TSHZ2: variants seen among roughly 807,000 people sequenced by gnomAD.
TSHZ2 encodes the protein teashirt homolog 2.
TSHZ2 carries 21 observed loss-of-function variants against 74.4 expected under a neutral mutation model. The observed-to-expected ratio is 0.28, with a 90% confidence interval of 0.20 to 0.41. TSHZ2 has a LOEUF of 0.41. Among genes scored for constraint, TSHZ2 ranks in the 10% least tolerant of loss-of-function variants. The probability of loss-of-function intolerance (pLI) is 1.00; values close to 1 mark genes in which losing one functional copy is unlikely to be tolerated. For synonymous variants in TSHZ2, 540 were observed against 515.3 expected (o/e 1.05, Z -0.65); for missense variants, 1,244 against 1,293.5 (o/e 0.96, Z 0.59).
At chr20:53,108,297 A>G (rs1986436467) in intron 1 of TSHZ2, among the ~76,000 whole-genome samples, 1 of 152,254 alleles carries the variant, frequency 6.6e-6, no homozygotes. Context: ...GAGGGGAGTA[A>G]GACAGAATTA....
chr20:53,230,389 A>C (rs1989794335), intron 1 of TSHZ2, among the ~76,000 whole-genome samples: 1 of 152,094 alleles, frequency 6.6e-6, no homozygotes, highest in Non-Finnish European at 1.5e-5. Context: ...CCTTTCCCTC[A>C]AATAACCATT....
chr20:53,042,086 T>C (rs532919600), intron 1 of TSHZ2, among the ~76,000 whole-genome samples: 2 of 152,356 alleles, frequency 1.3e-5, no homozygotes, highest in East Asian at 3.9e-4. Context: ...CATTCTCTTA[T>C]ATAAATGTGT....
intron 2 of TSHZ2, among the ~76,000 whole-genome samples, chr20:53,426,462 T>A (rs1371626074): frequency 6.6e-6 from 1 of 152,224 alleles, no homozygotes; most frequent in Non-Finnish European, 1.5e-5. Context: ...CCTCTTCTTC[T>A]TTTTTTAAGT....
At chr20:53,450,098 G>C (rs1347113985) in intron 2 of TSHZ2, among the ~76,000 whole-genome samples, 1 of 152,234 alleles carries the variant, frequency 6.6e-6, no homozygotes, top group Admixed American at 6.5e-5. Flanking sequence ...GCTGAATTGT[G>C]ATTCATAGAA....
chr20:53,035,627 T>G (rs1983790004), intron 1 of TSHZ2, among the ~76,000 whole-genome samples: 1 of 152,172 alleles, frequency 6.6e-6, no homozygotes, highest in Non-Finnish European at 1.5e-5. Context: ...TTTATTCAAC[T>G]AGAATTTGCC....
chr20:53,403,397 C>T (rs1395613020), intron 2 of TSHZ2, among the ~76,000 whole-genome samples: 2 of 152,200 alleles, frequency 1.3e-5, no homozygotes, highest in East Asian at 3.8e-4. Flanking sequence ...CCTGAAGTTT[C>T]TCTCTTCTGC....
At chr20:53,354,625 T>C (rs1718482229) in intron 2 of TSHZ2, among the ~76,000 whole-genome samples, 1 of 152,206 alleles carries the variant, frequency 6.6e-6, no homozygotes. Flanking sequence ...TCTTGCCTGA[T>C]TTTTAGTCAC....
intron 1 of TSHZ2, among the ~76,000 whole-genome samples, chr20:53,050,763 C>G (rs1048415374): frequency 2.0e-5 from 3 of 152,182 alleles, no homozygotes; most frequent in African/African-American, 7.2e-5. Context: ...CCACCTCCCT[C>G]TAAATGGTAG....
intron 2 of TSHZ2, among the ~76,000 whole-genome samples, chr20:53,305,756 G>A (rs1978511262): frequency 6.6e-6 from 1 of 152,144 alleles, no homozygotes; most frequent in Admixed American, 6.5e-5. Flanking sequence ...TAGGCAGGTG[G>A]ATCATGAGGT....
chr20:53,366,934 A>C (rs1981283479), intron 2 of TSHZ2, among the ~76,000 whole-genome samples: 1 of 152,190 alleles, frequency 6.6e-6, no homozygotes, highest in Non-Finnish European at 1.5e-5. Context: ...TCAACTTTGT[A>C]AAGGAAAGGC....
chr20:53,488,899 T>G lies in TSHZ2; in HGVS notation c.*1764T>G. ...AGTGTTGCCCTTATGCCACATATAATAGCAAATTGCTTTTTTTATGGCATG... is the reference window on the plus strand; with the variant it reads ...AGTGTTGCCCTTATGCCACATATAAGAGCAAATTGCTTTTTTTATGGCATG... On this transcript the variant is annotated 3_prime_UTR_variant, in exon 3 of 3. Transcript: ENST00000371497. 1 of 439,006 alleles carries G rather than the reference T, an allele frequency of 2.3e-6. No homozygotes were observed. The highest frequency in any genetic ancestry group is 4.6e-6 in the Non-Finnish European group (1 of 217,226). 27.2% of individuals were successfully genotyped at this position (439,006 alleles called of 1,614,324 possible). A position where few individuals can be genotyped will look rare whatever the true frequency, so the allele number is the denominator to read the frequency against.
chr20:53,385,749 C>T (rs1314283050), intron 2 of TSHZ2, among the ~76,000 whole-genome samples: 1 of 152,182 alleles, frequency 6.6e-6, no homozygotes, highest in Non-Finnish European at 1.5e-5. Flanking sequence ...TTAACTCCTT[C>T]TGAGCCAGGG....
Position 53,254,698 on chromosome 20 carries a change from A to G in TSHZ2, c.1240A>G (p.Lys414Glu), listed in dbSNP as rs1451555223. The stretch of plus-strand genomic sequence containing the variant: ...TCTCAAGGTCACCAGCTCTGCCTCC[A>G]AGAAAGGGAAGCAGCTGGTATTAGA... ...HFLKVTSSAS[K>E]KGKQLVLDPL... Residue 414 changes from lysine to glutamate, a missense_variant, in exon 2 of 3, where the codon AAG (lysine) becomes GAG (glutamate). Lys to Glu is a moderately conservative substitution (Grantham distance 56). Around this residue, in one of 6 missense-constraint regions of TSHZ2, gnomAD observed 562 missense variants for 544.0 expected, o/e 1.03. Coordinates refer to ENST00000371497, the MANE Select transcript of TSHZ2 (RefSeq NM_173485.6). The G allele has an allele frequency of 6.2e-7, 1 of 1,614,066 alleles. No homozygotes were observed. The highest frequency in any genetic ancestry group is 1.3e-5 in the African/African-American group (1 of 74,926).
chr20:53,012,660 CCA>C (rs145074307), intron 1 of TSHZ2, among the ~76,000 whole-genome samples: 8 of 151,128 alleles, frequency 5.3e-5, no homozygotes, highest in African/African-American at 7.3e-5. Context: ...AACCAACCAA[CCA>C]CACACACACA....
intron 1 of TSHZ2, among the ~76,000 whole-genome samples, chr20:53,075,956 G>A (rs983205638): frequency 2.6e-5 from 4 of 152,126 alleles, no homozygotes; most frequent in African/African-American, 9.7e-5. Context: ...TTGTTCTTTG[G>A]CAAGTCACCC....
intron 1 of TSHZ2, among the ~76,000 whole-genome samples, chr20:53,247,169 T>C (rs1463968072): frequency 6.6e-6 from 1 of 152,242 alleles, no homozygotes; most frequent in Non-Finnish European, 1.5e-5. Context: ...GTAACACTTA[T>C]GTTATATGTG....
intron 1 of TSHZ2, among the ~76,000 whole-genome samples, chr20:53,027,559 G>C (rs747825536): frequency 8.5e-5 from 13 of 152,120 alleles, no homozygotes; most frequent in Non-Finnish European, 1.6e-4. Flanking sequence ...GAAAAGCCTG[G>C]AATTGGTAAA....
At chr20:53,453,282 T>C (rs1984882037) in intron 2 of TSHZ2, among the ~76,000 whole-genome samples, 3 of 152,232 alleles carry the variant, frequency 2.0e-5, no homozygotes, top group Non-Finnish European at 4.4e-5. Context: ...GATGGCGGCC[T>C]GTACAATGAA....
chr20:53,459,305 T>C (rs1228560475), intron 2 of TSHZ2, among the ~76,000 whole-genome samples: 1 of 152,210 alleles, frequency 6.6e-6, no homozygotes, highest in African/African-American at 2.4e-5. Context: ...CCTTTACCAT[T>C]ATGTAATGGC....
Sources: allele counts gnomAD v4.1 joint callset (sites outside exome capture counted in the v4.1 genomes callset), GRCh38; gene constraint gnomAD v4.1.1; regional missense constraint gnomAD v4.1.1; transcripts MANE v1.5; gene names NCBI Gene and HGNC (gene_info 2026-07-23, HGNC 2026-07-21).